Variants in SLC9A9 observed in about 807,000 individuals in gnomAD.
SLC9A9 encodes solute carrier family 9 member A9.
Under a neutral mutation model 77.8 loss-of-function variants are expected in SLC9A9, and 62 were observed. The ratio of observed to expected loss-of-function variants is 0.80; its 90% confidence interval spans 0.65 to 0.98. The LOEUF (loss-of-function observed/expected upper bound fraction) is 0.98. Among genes scored for constraint, SLC9A9 ranks in the 50% least tolerant of loss-of-function variants. SLC9A9 has a pLI of 0.00. For synonymous variants in SLC9A9, 320 were observed against 283.5 expected, an observed-to-expected ratio of 1.13 and a Z score of -1.29; for missense variants, 775 against 774.9, an observed-to-expected ratio of 1.00 and a Z score of 0.00.
intron 8 of SLC9A9, among the ~76,000 whole-genome samples, chr3:143,571,020 T>C (rs1480392115): frequency 1.3e-5 from 2 of 152,148 alleles, no homozygotes; most frequent in Admixed American, 6.5e-5. Context: ...CAAATAGAAT[T>C]GTATGTGATA....
intron 13 of SLC9A9, among the ~76,000 whole-genome samples, chr3:143,374,422 C>CAAA (rs34787603): frequency 3.0e-5 from 2 of 67,444 alleles, no homozygotes; most frequent in Non-Finnish European, 5.4e-5. Flanking sequence ...GACTCTGTCT[C>CAAA]AAAAAAAAAA....
chr3:143,592,249 G>A (rs970444876), intron 6 of SLC9A9, among the ~76,000 whole-genome samples: 6 of 152,218 alleles, frequency 3.9e-5, no homozygotes, highest in Admixed American at 1.3e-4. Flanking sequence ...CTTGGTGGCT[G>A]GGCGCAGTGG....
chr3:143,379,726 A>G (rs2033260758), intron 13 of SLC9A9, among the ~76,000 whole-genome samples: 1 of 152,114 alleles, frequency 6.6e-6, no homozygotes, highest in Non-Finnish European at 1.5e-5. Flanking sequence ...CCTTCTAATG[A>G]TGTGAATTTA....
rs757409470 is a variant in SLC9A9 at position 143,266,843 on chromosome 3, G to A, written c.1797C>T (p.Cys599=). 3 of 1,614,204 alleles carry A rather than the reference G, an allele frequency of 1.9e-6. No individual in the cohort carries two copies. Among genetic ancestry groups the A allele is most frequent in the Non-Finnish European group, 2.5e-6 (3 of 1,180,048 alleles). ...INYQEQASSP[C]SPPARLGLDQ... is the part of the protein sequence containing the mutation. The stretch of plus-strand genomic sequence containing the variant: ...CCAGACCTAGCCTTGCAGGAGGACT[G>A]CAGGGTGAGGAGGCTTGCTCCTGGT... Residue 599 remains cysteine (C), a synonymous_variant, in exon 16 of 16, where the codon TGC becomes TGT. Coordinates refer to ENST00000316549, the MANE Select transcript of SLC9A9 (RefSeq NM_173653.4).
At chr3:143,302,400 A>G (rs1448871292) in intron 14 of SLC9A9, among the ~76,000 whole-genome samples, 1 of 152,236 alleles carries the variant, frequency 6.6e-6, no homozygotes, top group Non-Finnish European at 1.5e-5. Flanking sequence ...CAGAAAATAG[A>G]AAGAAAAAAA....
chr3:143,267,345 C>CTTTT (rs749407002), intron 15 of SLC9A9, among the ~76,000 whole-genome samples: 2,926 of 113,542 alleles, frequency 0.026, 376 homozygotes, highest in African/African-American at 0.097. Flanking sequence ...GTTATTGCTA[C>CTTTT]TTTTTTTTTT....
intron 11 of SLC9A9, among the ~76,000 whole-genome samples, chr3:143,475,333 G>A (rs1326137951): frequency 6.6e-6 from 1 of 152,020 alleles, no homozygotes; most frequent in African/African-American, 2.4e-5. Context: ...TTTAAGATCT[G>A]TCTTTCTGTG....
chr3:143,804,355 G>A (rs944071328), intron 2 of SLC9A9, among the ~76,000 whole-genome samples: 2 of 151,910 alleles, frequency 1.3e-5, no homozygotes, highest in African/African-American at 2.4e-5. Flanking sequence ...CCCTAGCCCC[G>A]TAAATAACAG....
At chr3:143,474,448 C>A (rs1203359195) in intron 11 of SLC9A9, among the ~76,000 whole-genome samples, 1 of 152,058 alleles carries the variant, frequency 6.6e-6, no homozygotes, top group African/African-American at 2.4e-5. Context: ...CCTTGTTAGT[C>A]CAGGCGAGAA....
At chr3:143,697,714 A>C (rs377081469) in intron 4 of SLC9A9, among the ~76,000 whole-genome samples, 38 of 140,338 alleles carry the variant, frequency 2.7e-4, no homozygotes, top group African/African-American at 6.6e-4. Flanking sequence ...ACACACACAC[A>C]CCCCACATAC....
chr3:143,485,785 A>G (rs1011739358), intron 11 of SLC9A9, among the ~76,000 whole-genome samples: 2 of 152,178 alleles, frequency 1.3e-5, no homozygotes, highest in African/African-American at 4.8e-5. Context: ...ACGTGATGGC[A>G]GATATACTAG....
intron 5 of SLC9A9, among the ~76,000 whole-genome samples, chr3:143,679,392 T>C (rs1437114311): frequency 6.6e-6 from 1 of 152,176 alleles, no homozygotes; most frequent in Non-Finnish European, 1.5e-5. Context: ...CAATGTTGCT[T>C]CTCCCTTAGG....
chr3:143,760,420 A>G (rs1016484089), intron 4 of SLC9A9, among the ~76,000 whole-genome samples: 1 of 152,216 alleles, frequency 6.6e-6, no homozygotes, highest in Non-Finnish European at 1.5e-5. Flanking sequence ...CTGTTTGCGG[A>G]TGACATGATT....
At chr3:143,559,327 C>A (rs1164088203) in intron 8 of SLC9A9, among the ~76,000 whole-genome samples, 1 of 152,182 alleles carries the variant, frequency 6.6e-6, no homozygotes, top group Non-Finnish European at 1.5e-5. Flanking sequence ...TTATGTCTTC[C>A]AATTCCCAAT....
chr3:143,577,160 G>T (rs1422817208), intron 7 of SLC9A9, among the ~76,000 whole-genome samples: 1 of 152,044 alleles, frequency 6.6e-6, no homozygotes, highest in Non-Finnish European at 1.5e-5. Context: ...AGAAACCTTT[G>T]GCAGCTAATT....
chr3:143,440,448 C>T (rs907066370), intron 12 of SLC9A9, among the ~76,000 whole-genome samples: 1 of 152,126 alleles, frequency 6.6e-6, no homozygotes, highest in African/African-American at 2.4e-5. Context: ...AGGAGTTTGG[C>T]CCCTAACTAG....
At position 143,823,305 on chromosome 3, in the gene SLC9A9, T is replaced by C. The variant is rs904994284; in HGVS notation, c.378+8714A>G. On this transcript the variant is annotated intron_variant, in intron 2 of 15. Coordinates refer to ENST00000316549, the MANE Select transcript of SLC9A9 (RefSeq NM_173653.4). ...ATATTAACTTACAACTCAGCTAAAA[T>C]GCAGTGGGGGAATGTCAGGTGGAGC... 3.3e-5 allele frequency among the ~76,000 whole-genome samples: 5 copies of C among 152,140 alleles called. No individual in the cohort carries two copies. In the South Asian group the frequency reaches 1.0e-3, roughly 32 times the overall value.
At chr3:143,315,483 C>T (rs768665206) in intron 14 of SLC9A9, among the ~76,000 whole-genome samples, 3 of 152,164 alleles carry the variant, frequency 2.0e-5, no homozygotes, top group Non-Finnish European at 4.4e-5. Flanking sequence ...ACTCAGTGGC[C>T]TACTTATTTT....
At chr3:143,733,761 G>A (rs373114541) in intron 4 of SLC9A9, among the ~76,000 whole-genome samples, 1 of 152,028 alleles carries the variant, frequency 6.6e-6, no homozygotes, top group East Asian at 1.9e-4. Context: ...TGTAGATCTA[G>A]CCTTGAACTG....
Sources: allele counts gnomAD v4.1 joint callset (sites outside exome capture counted in the v4.1 genomes callset), GRCh38; gene constraint gnomAD v4.1.1; transcripts MANE v1.5; gene names NCBI Gene and HGNC (gene_info 2026-07-23, HGNC 2026-07-21).